The following TRAF3IP3 variants were observed in gnomAD, a reference collection of about 807,000 sequenced individuals.
TRAF3IP3 encodes the protein TRAF3 interacting protein 3, also known as TRAF3-interacting JNK-activating modulator.
A neutral mutation model predicts 86.5 loss-of-function variants in TRAF3IP3; 64 were observed. The ratio of observed to expected loss-of-function variants is 0.74; its 90% CI spans 0.60 to 0.91. The LOEUF (loss-of-function observed/expected upper bound fraction) is 0.91, where lower values mean the gene tolerates loss of function less well. Among genes scored for constraint, TRAF3IP3 ranks in the 40% least tolerant of loss-of-function variants. The pLI, the probability that TRAF3IP3 is intolerant of heterozygous loss-of-function variation, is 0.00. For synonymous variants in TRAF3IP3, 220 were observed against 243.9 expected (o/e 0.90, Z 0.91); for missense variants, 579 against 642.9 (o/e 0.90, Z 1.07).
intron 3 of TRAF3IP3, 123 bp downstream of exon 3, chr1:209,760,507 T>A (rs2102430734): frequency 2.4e-6 from 2 of 827,036 alleles, no homozygotes; most frequent in Non-Finnish European, 3.7e-6. Flanking sequence ...AGTCATATAG[T>A]AAAGTTGCCA....
Position 209,780,476 on chromosome 1 carries a change from C to T in TRAF3IP3, c.1319C>T (p.Ala440Val), listed in dbSNP as rs1210828526. 5.1e-6 allele frequency: 8 copies of T among 1,582,000 alleles called. No individual in the cohort carries two copies. The East Asian group carries it at 9.2e-5, about 18-fold the overall frequency. ...QEKLLTKKDQALPVWSPKSFP... is the reference protein window; with the variant it reads ...QEKLLTKKDQVLPVWSPKSFP... ...AATCTGGCTGCTTTTTTAGATCAGG[C>T]TTTGCCCGTGTGGAGTCCAAAGTCC... The change falls in exon 15 of 17, where the codon GCT (alanine) becomes GTT (valine). Residue 440 changes from alanine to valine, a missense_variant. Ala to Val is a moderately conservative substitution (Grantham distance 64, BLOSUM62 0). Transcript: ENST00000367025.
chr1:209,772,523 C>G (rs1362518504), intron 8 of TRAF3IP3, among the ~76,000 whole-genome samples: 1 of 152,002 alleles, frequency 6.6e-6, no homozygotes, highest in African/African-American at 2.4e-5. Context: ...AACATTCTCC[C>G]GGGAGGGGAG....
chr1:209,757,388 A>G (rs2077172991), intron 1 of TRAF3IP3, among the ~76,000 whole-genome samples: 1 of 152,276 alleles, frequency 6.6e-6, no homozygotes, highest in Middle Eastern at 3.4e-3. Context: ...TTCTGCCTCC[A>G]CTACAAAACC....
chr1:209,760,001 G>C lies in TRAF3IP3; in HGVS notation c.-39G>C, dbSNP rs1197203983. 6.5e-7 allele frequency: 1 copy of C among 1,548,500 alleles called. No individual in the cohort carries two copies. The highest frequency in any genetic ancestry group is 1.4e-5 in the African/African-American group (1 of 73,400). On this transcript the variant is annotated 5_prime_UTR_variant, in exon 3 of 17. Coordinates refer to ENST00000367025, the MANE Select transcript of TRAF3IP3 (RefSeq NM_025228.4). Reference sequence around the variant, plus strand: ...TGGCAGATCCAGGCATCTATTCCAGGAACTGGAAGCCAAGCGCAACAGGTG... The same window carrying C: ...TGGCAGATCCAGGCATCTATTCCAGCAACTGGAAGCCAAGCGCAACAGGTG...
intron 15 of TRAF3IP3, 93 bp downstream of exon 15, chr1:209,780,699 T>C (rs1310124946): frequency 8.1e-7 from 1 of 1,231,672 alleles, no homozygotes; most frequent in Non-Finnish European, 1.1e-6. Context: ...AAAGTTTAAG[T>C]TGTGAGTGGA....
Position 209,781,445 on chromosome 1 carries a change from A to G in TRAF3IP3, c.1550A>G (p.Gln517Arg). The change falls in exon 16 of 17, where the codon CAG becomes CGG. Residue 517 changes from glutamine (Q) to arginine (R), a missense_variant. Transcript: ENST00000367025. ...CGAGAAGAGCTGAACCAGAGCCAGC[A>G]GCTGCCTCCCAGAGTAAGAGGGTCT... is the stretch of plus-strand genomic sequence containing the variant. ...HCREELNQSQ[Q>R]LPPRRQCGRW... 1.2e-6 allele frequency: 2 copies of G among 1,613,026 alleles called. No individual in the cohort carries two copies. The highest frequency in any genetic ancestry group is 1.3e-5 in the African/African-American group (1 of 75,044).
intron 1 of TRAF3IP3, among the ~76,000 whole-genome samples, chr1:209,757,646 T>C (rs1425918751): frequency 3.9e-5 from 6 of 152,160 alleles, no homozygotes; most frequent in Non-Finnish European, 8.8e-5. Flanking sequence ...GTTGAGAGGA[T>C]GAGAGAAGGC....
chr1:209,762,980 T>C (rs2077273730), intron 5 of TRAF3IP3, 88 bp from the exon 6 acceptor site: 1 of 1,590,226 alleles, frequency 6.3e-7, no homozygotes, highest in Admixed American at 1.7e-5. Context: ...TTCCCCACCC[T>C]ACTGGCTCTT....
At chr1:209,756,664 C>A (rs1446970544) in intron 1 of TRAF3IP3, among the ~76,000 whole-genome samples, 4 of 152,226 alleles carry the variant, frequency 2.6e-5, no homozygotes, top group Admixed American at 1.3e-4. Flanking sequence ...GCCTTCCCAG[C>A]AGCTTAAGCG....
chr1:209,762,406 AC>A, intron 3 of TRAF3IP3, 108 bp from the exon 4 acceptor site: 4 of 1,151,962 alleles, frequency 3.5e-6, no homozygotes, highest in Non-Finnish European at 4.6e-6. Flanking sequence ...GACAATAAAC[AC>A]TCAGTCCATA....
intron 8 of TRAF3IP3, among the ~76,000 whole-genome samples, chr1:209,766,685 G>A (rs990004955): frequency 3.3e-5 from 5 of 152,254 alleles, no homozygotes; most frequent in South Asian, 4.1e-4. Context: ...CCAACATGGC[G>A]AAAACCCGTC....
chr1:209,779,851 T>G lies in TRAF3IP3; in HGVS notation c.1312+477T>G, dbSNP rs1050548679. ...ACTACACACGACCTTTTGTTTTCTC[T>G]TCACAATCATTGGGCATAATATAAT... On this transcript the variant is annotated intron_variant, in intron 14 of 16. Coordinates refer to ENST00000367025, the MANE Select transcript of TRAF3IP3 (RefSeq NM_025228.4). 6.1e-5 allele frequency: 15 copies of G among 245,490 alleles called. 2 individuals carry two copies. In the South Asian group the frequency reaches 9.1e-4, roughly 15 times the overall value. 15.2% of individuals were successfully genotyped at this position (245,490 alleles called of 1,614,324 possible). A position where few individuals can be genotyped will look rare whatever the true frequency, so the allele number is the denominator to read the frequency against.
chr1:209,777,315 G>A (rs1289715407), intron 11 of TRAF3IP3, 37 bp from the exon 12 acceptor site: 2 of 1,580,010 alleles, frequency 1.3e-6, no homozygotes, highest in Admixed American at 1.7e-5. Flanking sequence ...CCCCAACACT[G>A]ACCTCCTTCT....
At chr1:209,763,689 T>A in intron 8 of TRAF3IP3, 102 bp downstream of exon 8, 1 of 963,140 alleles carries the variant, frequency 1.0e-6, no homozygotes, top group Non-Finnish European at 1.6e-6. Flanking sequence ...GTTTTCTCAC[T>A]ACTGAAAAGT....
At chr1:209,762,940 T>C (rs1161079952) in intron 5 of TRAF3IP3, 70 bp downstream of exon 5, 6 of 1,607,836 alleles carry the variant, frequency 3.7e-6, no homozygotes, top group Admixed American at 3.3e-5. Context: ...TGAATTTCCA[T>C]GTCCGCCTTA....
At chr1:209,773,563 A>C (rs1298876857) in intron 9 of TRAF3IP3, among the ~76,000 whole-genome samples, 3 of 152,236 alleles carry the variant, frequency 2.0e-5, no homozygotes, top group African/African-American at 7.2e-5. Context: ...AAGAGATAGA[A>C]AGAAATCAGC....
intron 11 of TRAF3IP3, 57 bp from the exon 12 acceptor site, chr1:209,777,295 C>A (rs2077675083): frequency 2.0e-6 from 3 of 1,496,956 alleles, no homozygotes; most frequent in Admixed American, 3.8e-5. Flanking sequence ...TACCCGCCCC[C>A]CAACCTCCAC....
chr1:209,770,675 A>ATGGAGGGGTGTGTGTGCATG (rs2077459196), intron 8 of TRAF3IP3, among the ~76,000 whole-genome samples: 1 of 65,242 alleles, frequency 1.5e-5, no homozygotes, highest in Non-Finnish European at 3.1e-5. Context: ...GTGTGTGCAT[A>ATGGAGGGGTGTGTGTGCATG]TGGAGGTGTG....
At chr1:209,761,919 A>T (rs1483557553) in intron 3 of TRAF3IP3, among the ~76,000 whole-genome samples, 2 of 152,268 alleles carry the variant, frequency 1.3e-5, no homozygotes, top group African/African-American at 2.4e-5. Flanking sequence ...GAAAACCTGG[A>T]GAAAAGTACA....
Sources: gnomAD v4.1 joint callset for allele counts (sites outside exome capture counted in the v4.1 genomes callset) on GRCh38, gnomAD v4.1.1 for gene constraint, MANE v1.5 for transcripts, NCBI Gene and HGNC (gene_info 2026-07-23, HGNC 2026-07-21) for gene names.